The following AGBL1 variants were observed in gnomAD, a reference collection of about 807,000 sequenced individuals.
AGBL1 encodes the protein cytosolic carboxypeptidase 4.
In AGBL1, 130 loss-of-function variants were observed where a neutral mutation model predicts 118.9. The ratio of observed to expected loss-of-function variants is 1.09; its 90% CI spans 0.95 to 1.26. AGBL1 has a LOEUF of 1.26. Ranked by LOEUF, AGBL1 falls within the 50% of genes most tolerant of loss-of-function variation. The pLI is 0.00. For missense variants in AGBL1, 1,584 were observed against 1,298.1 expected, an observed-to-expected ratio of 1.22 and a Z score of -3.38; for synonymous variants, 555 against 478.9, an observed-to-expected ratio of 1.16 and a Z score of -2.08.
At chr15:86,779,396 A>G (rs1015008706) in intron 22 of AGBL1, among the ~76,000 whole-genome samples, 5 of 152,240 alleles carry the variant, frequency 3.3e-5, no homozygotes, top group African/African-American at 1.2e-4. Context: ...ACATGCACTA[A>G]GACAGTATTC....
chr15:86,572,183 G>C (rs955846676), intron 21 of AGBL1, among the ~76,000 whole-genome samples: 4 of 152,168 alleles, frequency 2.6e-5, no homozygotes, highest in Admixed American at 1.3e-4. Context: ...GGGCCCGCAG[G>C]GGGAAGTGCC....
At chr15:86,953,951 G>A (rs140457929) in intron 23 of AGBL1, among the ~76,000 whole-genome samples, 3 of 152,178 alleles carry the variant, frequency 2.0e-5, no homozygotes, top group African/African-American at 7.2e-5. Flanking sequence ...AAAAAAAGAA[G>A]ATGGACAAGC....
At chr15:86,205,827 T>C (rs2077981821) in intron 5 of AGBL1, among the ~76,000 whole-genome samples, 1 of 152,194 alleles carries the variant, frequency 6.6e-6, no homozygotes, top group Non-Finnish European at 1.5e-5. Context: ...GAGTTTTTAA[T>C]TTAATTTTAT....
At chr15:86,677,062 C>T (rs2085862009) in intron 22 of AGBL1, among the ~76,000 whole-genome samples, 1 of 152,104 alleles carries the variant, frequency 6.6e-6, no homozygotes, top group Non-Finnish European at 1.5e-5. Context: ...ACTGCATCCT[C>T]TCCTAGGCCC....
chr15:86,157,355 A>G (rs2141701173), intron 4 of AGBL1, among the ~76,000 whole-genome samples: 1 of 152,316 alleles, frequency 6.6e-6, no homozygotes, highest in East Asian at 1.9e-4. Context: ...AATAGACAGA[A>G]GGTGTGCCAC....
chr15:86,175,776 T>C (rs2077474139), intron 5 of AGBL1, among the ~76,000 whole-genome samples: 1 of 152,240 alleles, frequency 6.6e-6, no homozygotes, highest in Non-Finnish European at 1.5e-5. Flanking sequence ...CAAGAGCATG[T>C]TGTTTAATTT....
chr15:86,950,719 T>G (rs1197792738), intron 23 of AGBL1, among the ~76,000 whole-genome samples: 1 of 151,850 alleles, frequency 6.6e-6, no homozygotes, highest in Non-Finnish European at 1.5e-5. Flanking sequence ...GAATGTTAAA[T>G]AAGAAGAAGA....
chr15:86,923,808 A>G (rs1022470003), intron 23 of AGBL1, among the ~76,000 whole-genome samples: 3 of 152,142 alleles, frequency 2.0e-5, no homozygotes, highest in East Asian at 1.9e-4. Context: ...TATATGAACT[A>G]CCTAATTGAG....
chr15:86,616,357 A>T (rs868831504), intron 21 of AGBL1, among the ~76,000 whole-genome samples: 2,799 of 149,680 alleles, frequency 0.019, 127 homozygotes, highest in African/African-American at 0.066. Flanking sequence ...AAAAAAAAAA[A>T]AAAAAAAAAA....
At chr15:86,550,335 T>C (rs1245003249) in intron 20 of AGBL1, among the ~76,000 whole-genome samples, 1 of 152,024 alleles carries the variant, frequency 6.6e-6, no homozygotes, top group African/African-American at 2.4e-5. Context: ...AAGGCAGAGG[T>C]TGTAAGACCA....
intron 22 of AGBL1, among the ~76,000 whole-genome samples, chr15:86,857,793 G>A (rs751555495): frequency 2.0e-5 from 3 of 152,174 alleles, no homozygotes; most frequent in Non-Finnish European, 4.4e-5. Flanking sequence ...AACCTAGAAG[G>A]TCTCAATAAA....
At chr15:86,789,731 C>T (rs914340125) in intron 22 of AGBL1, among the ~76,000 whole-genome samples, 3 of 152,060 alleles carry the variant, frequency 2.0e-5, no homozygotes, top group Non-Finnish European at 4.4e-5. Flanking sequence ...TTAGAGACCC[C>T]CTATGTTTTT....
intron 22 of AGBL1, among the ~76,000 whole-genome samples, chr15:86,886,483 G>A (rs1359903090): frequency 6.6e-6 from 1 of 152,128 alleles, no homozygotes; most frequent in Non-Finnish European, 1.5e-5. Context: ...CAAGTTTAAA[G>A]AAGAGAATTA....
At chr15:86,952,084 A>G (rs2080885804) in intron 23 of AGBL1, among the ~76,000 whole-genome samples, 1 of 151,982 alleles carries the variant, frequency 6.6e-6, no homozygotes, top group Non-Finnish European at 1.5e-5. Context: ...TACAAAAATT[A>G]GTTGTGTGTG....
intron 24 of AGBL1, among the ~76,000 whole-genome samples, chr15:86,999,546 G>T (rs1476729586): frequency 1.4e-5 from 2 of 147,842 alleles, no homozygotes; most frequent in South Asian, 2.1e-4. Context: ...TCCCTACAAA[G>T]GACATGAACT....
At chr15:86,628,852 G>A (rs78933616) in intron 21 of AGBL1, among the ~76,000 whole-genome samples, 10,554 of 152,064 alleles carry the variant, frequency 0.069, 806 homozygotes, top group East Asian at 0.19. Flanking sequence ...CAGCTTTACC[G>A]AGGTACAATT....
chr15:86,718,526 A>C (rs1219758636), intron 22 of AGBL1, among the ~76,000 whole-genome samples: 1 of 152,062 alleles, frequency 6.6e-6, no homozygotes, highest in Non-Finnish European at 1.5e-5. Context: ...TAGAACTTGA[A>C]GTGTAATAAT....
intron 18 of AGBL1, among the ~76,000 whole-genome samples, chr15:86,399,794 C>T (rs1317179024): frequency 6.6e-5 from 10 of 152,144 alleles, no homozygotes; most frequent in Non-Finnish European, 1.3e-4. Flanking sequence ...AAATGGCAGG[C>T]CAGCTTCTCC....
chr15:86,809,105 G>T (rs1054329717), intron 22 of AGBL1, among the ~76,000 whole-genome samples: 9 of 152,120 alleles, frequency 5.9e-5, no homozygotes, highest in East Asian at 1.9e-4. Flanking sequence ...ACAATGTAAG[G>T]ATTAGAAAAA....
Sources: allele counts gnomAD v4.1 joint callset (sites outside exome capture counted in the v4.1 genomes callset), GRCh38; gene constraint gnomAD v4.1.1; transcripts MANE v1.5; gene names NCBI Gene and HGNC (gene_info 2026-07-23, HGNC 2026-07-21).